Variants in HDAC9 observed in about 807,000 individuals in gnomAD.
The protein encoded by HDAC9 is MEF-2 interacting transcription repressor (MITR) protein.
Under a neutral mutation model 139.4 loss-of-function variants are expected in HDAC9, and 41 were observed. The ratio of observed to expected loss-of-function variants is 0.29; its 90% CI spans 0.23 to 0.38. The LOEUF (loss-of-function observed/expected upper bound fraction) is 0.38. Ranked by LOEUF, HDAC9 falls within the 10% of genes least tolerant of loss-of-function variation. HDAC9 has a pLI of 1.00. For missense variants in HDAC9, 1,147 were observed against 1,297.0 expected (o/e 0.88, Z 1.78); for synonymous variants, 517 against 476.2 (o/e 1.09, Z -1.12).
chr7:18,688,746 T>G (rs1029621500), intron 12 of HDAC9, among the ~76,000 whole-genome samples: 2 of 151,852 alleles, frequency 1.3e-5, no homozygotes, highest in Admixed American at 1.3e-4. Context: ...GGGAAATGTC[T>G]TTAAGTTTAT....
intron 2 of HDAC9, among the ~76,000 whole-genome samples, chr7:18,178,384 C>T (rs1474146772): frequency 6.6e-6 from 1 of 152,204 alleles, no homozygotes; most frequent in Non-Finnish European, 1.5e-5. Flanking sequence ...TGCACCCGGC[C>T]CCCCTCTTTC....
At chr7:18,404,237 T>A (rs1787802937) in intron 1 of HDAC9, among the ~76,000 whole-genome samples, 1 of 152,196 alleles carries the variant, frequency 6.6e-6, no homozygotes, top group African/African-American at 2.4e-5. Context: ...CACCAAAAGG[T>A]ATCTATTGAT....
chr7:18,841,100 T>C (rs1796554337), intron 21 of HDAC9, among the ~76,000 whole-genome samples: 1 of 152,138 alleles, frequency 6.6e-6, no homozygotes, highest in South Asian at 2.1e-4. Flanking sequence ...ATAAGTTAAA[T>C]ATATTTTTCT....
intron 24 of HDAC9, among the ~76,000 whole-genome samples, chr7:18,968,958 CAAAAA>C (rs34379636): frequency 2.9e-4 from 13 of 45,194 alleles, no homozygotes; most frequent in Non-Finnish European, 3.7e-4. Flanking sequence ...GCCTCCCTCT[CAAAAA>C]AAAAAAAAAA....
chr7:18,169,852 T>C (rs910387370), intron 2 of HDAC9, among the ~76,000 whole-genome samples: 4 of 152,242 alleles, frequency 2.6e-5, no homozygotes, highest in African/African-American at 9.6e-5. Context: ...CTTAATCCAG[T>C]CTATCATTGA....
At chr7:18,339,605 CAT>C (rs888007128) in intron 1 of HDAC9, among the ~76,000 whole-genome samples, 4 of 151,406 alleles carry the variant, frequency 2.6e-5, no homozygotes, top group African/African-American at 9.7e-5. Context: ...TACACTAAAA[CAT>C]AAAAATAACA....
intron 15 of HDAC9, among the ~76,000 whole-genome samples, chr7:18,766,409 C>A (rs932389501): frequency 1.3e-5 from 2 of 152,120 alleles, no homozygotes; most frequent in Non-Finnish European, 2.9e-5. Context: ...CTAAGAGATA[C>A]TCACAATTCA....
At chr7:18,988,542 GA>G (rs1785574605) in intron 25 of HDAC9, among the ~76,000 whole-genome samples, 1 of 151,966 alleles carries the variant, frequency 6.6e-6, no homozygotes, top group Non-Finnish European at 1.5e-5. Context: ...ATATTCTGTT[GA>G]TTTGGGGTGG....
At chr7:18,938,117 G>C (rs1781769630) in intron 23 of HDAC9, among the ~76,000 whole-genome samples, 1 of 151,476 alleles carries the variant, frequency 6.6e-6, no homozygotes, top group Non-Finnish European at 1.5e-5. Context: ...CGTGCTTTTC[G>C]TGGAGATGAA....
chr7:18,994,445 C>T (rs910205514), intron 25 of HDAC9, among the ~76,000 whole-genome samples: 1 of 152,118 alleles, frequency 6.6e-6, no homozygotes, highest in Admixed American at 6.6e-5. Flanking sequence ...ACTCATTTAT[C>T]TTATGTACCA....
intron 23 of HDAC9, among the ~76,000 whole-genome samples, chr7:18,941,154 CTCT>C (rs898440916): frequency 4.8e-5 from 6 of 123,918 alleles, no homozygotes; most frequent in South Asian, 6.0e-4. Flanking sequence ...CTTTTTTTGT[CTCT>C]TCTTTTTTTT....
At chr7:18,431,222 AT>A (rs1423861367) in intron 1 of HDAC9, among the ~76,000 whole-genome samples, 1 of 152,220 alleles carries the variant, frequency 6.6e-6, no homozygotes, top group Non-Finnish European at 1.5e-5. Flanking sequence ...TTACAGATAA[AT>A]GAAAATTAAT....
intron 2 of HDAC9, among the ~76,000 whole-genome samples, chr7:18,273,146 T>C (rs938474640): frequency 7.0e-6 from 1 of 142,380 alleles, no homozygotes; most frequent in Non-Finnish European, 1.5e-5. Flanking sequence ...CACTGCAGCA[T>C]CAAACTCGTG....
In HDAC9 at chr7:18,177,175, A is replaced by T. The variant is rs564697735; in HGVS notation, c.25+14826A>T. On this transcript the variant is annotated intron_variant, in intron 2 of 12. Transcript: ENST00000417496. ...CCAGAAAAGATTTGGGGTCTATATA[A>T]GTAAGTTATGGAAAATAAAATACGT... is the stretch of plus-strand genomic sequence containing the variant. 2.0e-5 allele frequency among the ~76,000 whole-genome samples: 3 copies of T among 152,248 alleles called. No individual in the cohort carries two copies. In the East Asian group the frequency reaches 5.8e-4, roughly 29 times the overall value.
chr7:18,833,609 T>C (rs1796015549), intron 19 of HDAC9, among the ~76,000 whole-genome samples: 1 of 152,228 alleles, frequency 6.6e-6, no homozygotes, highest in African/African-American at 2.4e-5. Context: ...TTTTGTCTCC[T>C]CCTTCCTTTC....
chr7:18,199,313 C>G (rs1790938347), intron 2 of HDAC9, among the ~76,000 whole-genome samples: 1 of 151,944 alleles, frequency 6.6e-6, no homozygotes, highest in South Asian at 2.1e-4. Context: ...TTCTGGATTT[C>G]TTGTGAAGTT....
chr7:18,642,592 G>A (rs977380486), intron 8 of HDAC9, among the ~76,000 whole-genome samples: 3 of 151,984 alleles, frequency 2.0e-5, no homozygotes, highest in African/African-American at 7.2e-5. Context: ...TTCTGGCCCA[G>A]GACACCATGG....
intron 1 of HDAC9, chr7:18,429,207 C>T (rs1234375380): frequency 6.6e-6 from 1 of 152,180 alleles, no homozygotes; most frequent in Non-Finnish European, 1.5e-5. Flanking sequence ...ATTCCTAGCG[C>T]CTAGACCAAA....
At chr7:18,108,059 C>G (rs1471828061) in intron 1 of HDAC9, among the ~76,000 whole-genome samples, 3 of 152,112 alleles carry the variant, frequency 2.0e-5, no homozygotes, top group Non-Finnish European at 1.5e-5. Context: ...AATTTTAATT[C>G]TTTCGGGGGA....
Sources: allele counts gnomAD v4.1 joint callset (sites outside exome capture counted in the v4.1 genomes callset), GRCh38; gene constraint gnomAD v4.1.1; transcripts MANE v1.5; gene names NCBI Gene and HGNC (gene_info 2026-07-23, HGNC 2026-07-21).